USP48: variants seen among roughly 807,000 people sequenced by gnomAD.
USP48 encodes the protein ubiquitin specific peptidase 48, also known as ubiquitin carboxyl-terminal hydrolase 48.
A neutral mutation model predicts 150.7 loss-of-function variants in USP48; 43 were observed. That is an observed-to-expected ratio of 0.29 (90% CI 0.22 to 0.37). The LOEUF (loss-of-function observed/expected upper bound fraction) is 0.37. USP48 is among the 10% of genes least tolerant of loss of function. The pLI is 1.00. For synonymous variants in USP48, 396 were observed against 425.9 expected, an observed-to-expected ratio of 0.93 and a Z score of 0.86; for missense variants, 813 against 1,249.6, an observed-to-expected ratio of 0.65 and a Z score of 5.27.
rs1357099498 is a variant in USP48 at position 21,703,434 on chromosome 1, CA to C, written c.2622+77del. 4 of 1,105,082 alleles carry C rather than the reference CA, an allele frequency of 3.6e-6. No individual in the cohort carries two copies. The African/African-American group carries it at 6.2e-5, about 17-fold the overall frequency. The allele number at this position is 1,105,082 out of a possible 1,614,324, so 68.5% of individuals were successfully genotyped here. A position where few individuals can be genotyped will look rare whatever the true frequency, so the allele number is the denominator to read the frequency against. On this transcript the variant is annotated intron_variant, in intron 21 of 26. Transcript: ENST00000308271. ...AAAAATGCAGTCCTAGGCAGACCCT[CA>C]GTGCAAATACAACAGCAAATCAAGC...
chr1:21,783,129 CCGACCCGCA>C lies in USP48; in HGVS notation c.-181_-173del. 1 of 1,033,300 alleles carries C rather than the reference CCGACCCGCA, an allele frequency of 9.7e-7. No homozygotes were observed. Among genetic ancestry groups the C allele is most frequent in the Non-Finnish European group, 1.3e-6 (1 of 781,406 alleles). The allele number at this position is 1,033,300 out of a possible 1,614,324, so 64.0% of individuals were successfully genotyped here. ...CCACTGCCGCCGCGCCCGCCCGCGCCCGACCCGCACGACCGGCCGCAAAGCGCCGCCGTC... is the reference window on the plus strand; with the variant it reads ...CCACTGCCGCCGCGCCCGCCCGCGCCCGACCGGCCGCAAAGCGCCGCCGTC... On this transcript the variant is annotated 5_prime_UTR_variant, in exon 1 of 27. Transcript: ENST00000308271.
intron 9 of USP48, among the ~76,000 whole-genome samples, chr1:21,731,573 A>G (rs868149328): frequency 9.3e-5 from 14 of 150,432 alleles, no homozygotes; most frequent in South Asian, 2.2e-4. Flanking sequence ...CTAAAATAGC[A>G]TAATTTTTAA....
At chr1:21,731,809 C>A (rs934342979) in intron 9 of USP48, among the ~76,000 whole-genome samples, 1 of 152,002 alleles carries the variant, frequency 6.6e-6, no homozygotes, top group Non-Finnish European at 1.5e-5. Context: ...GCAGAGGTTG[C>A]AGTGAGCCAA....
intron 1 of USP48, among the ~76,000 whole-genome samples, chr1:21,766,170 C>A (rs939627171): frequency 6.6e-5 from 10 of 152,006 alleles, no homozygotes; most frequent in Non-Finnish European, 8.8e-5. Flanking sequence ...GAGTTCAAGA[C>A]CAGCCTGGCC....
chr1:21,757,729 C>A lies in USP48; in HGVS notation c.189G>T (p.Trp63Cys). ...NCLVGIGEHI[W>C]LGEIDENSFH... ...AACTATTTTCATCTATTTCTCCTAA[C>A]CAAATATGCTCACCAATACCAACCA... The change falls in exon 2 of 27, where the codon TGG (tryptophan) becomes TGT (cysteine). Residue 63 changes from tryptophan to cysteine, a missense_variant. Transcript: ENST00000308271. 1 of 1,612,972 alleles carries A rather than the reference C, an allele frequency of 6.2e-7. No homozygotes were observed. The highest frequency in any genetic ancestry group is 8.5e-7 in the Non-Finnish European group (1 of 1,179,580).
intron 1 of USP48, among the ~76,000 whole-genome samples, chr1:21,775,053 T>C (rs900706256): frequency 6.6e-6 from 1 of 151,920 alleles, no homozygotes; most frequent in African/African-American, 2.4e-5. Context: ...TCTACATGCA[T>C]GAATAGAAAC....
intron 6 of USP48, among the ~76,000 whole-genome samples, chr1:21,749,536 T>C (rs1222114538): frequency 6.6e-6 from 1 of 152,148 alleles, no homozygotes; most frequent in Non-Finnish European, 1.5e-5. Flanking sequence ...AAAACCTTAG[T>C]AATCCTTGAC....
At chr1:21,733,332 G>A (rs551993931) in intron 9 of USP48, among the ~76,000 whole-genome samples, 2 of 152,174 alleles carry the variant, frequency 1.3e-5, no homozygotes, top group Non-Finnish European at 2.9e-5. Context: ...CAGGAGAATC[G>A]TTTGAACCTG....
At chr1:21,699,015 A>G (rs983472404) in intron 22 of USP48, among the ~76,000 whole-genome samples, 1 of 152,124 alleles carries the variant, frequency 6.6e-6, no homozygotes, top group Non-Finnish European at 1.5e-5. Context: ...ATCGGGATGG[A>G]TATGTACACC....
intron 22 of USP48, among the ~76,000 whole-genome samples, chr1:21,696,483 T>A (rs1262114412): frequency 6.6e-6 from 1 of 152,076 alleles, no homozygotes; most frequent in Non-Finnish European, 1.5e-5. Context: ...GGAGACAGAG[T>A]AACTGTTCCA....
intron 1 of USP48, among the ~76,000 whole-genome samples, chr1:21,778,037 G>T (rs1338190456): frequency 1.3e-5 from 2 of 151,158 alleles, no homozygotes; most frequent in Non-Finnish European, 2.9e-5. Context: ...CAGCTACTCG[G>T]GAGGCTGAGG....
At chr1:21,691,530 G>A (rs1287575419) in intron 23 of USP48, among the ~76,000 whole-genome samples, 1 of 152,084 alleles carries the variant, frequency 6.6e-6, no homozygotes, top group Admixed American at 6.6e-5. Flanking sequence ...AGCTACTTGG[G>A]AGGCTGAGGG....
chr1:21,688,864 A>C (rs1400742035), intron 24 of USP48, among the ~76,000 whole-genome samples: 1 of 138,340 alleles, frequency 7.2e-6, no homozygotes, highest in African/African-American at 2.7e-5. Flanking sequence ...AAAAAAAAAG[A>C]AGAAGCCCCT....
chr1:21,728,434 CT>C, intron 11 of USP48, 135 bp downstream of exon 11: 1 of 1,465,948 alleles, frequency 6.8e-7, no homozygotes, highest in Non-Finnish European at 9.0e-7. Flanking sequence ...TTACAAAGTA[CT>C]TTTAGAGTGT....
At chr1:21,748,094 T>C (rs1218216625) in intron 7 of USP48, 44 bp downstream of exon 7, 7 of 1,592,856 alleles carry the variant, frequency 4.4e-6, no homozygotes, top group East Asian at 2.3e-5. Flanking sequence ...CTGTACATAG[T>C]AGACCACAAT....
intron 23 of USP48, among the ~76,000 whole-genome samples, chr1:21,694,344 G>A (rs963655198): frequency 6.6e-6 from 1 of 151,890 alleles, no homozygotes; most frequent in Non-Finnish European, 1.5e-5. Flanking sequence ...AGGCTGAGGC[G>A]GGTGGAAAAC....
chr1:21,706,334 A>C, intron 17 of USP48, 133 bp downstream of exon 17: 1 of 1,509,380 alleles, frequency 6.6e-7, no homozygotes, highest in Non-Finnish European at 9.0e-7. Flanking sequence ...AGGCTGGAGT[A>C]AATCCCCTGG....
chr1:21,689,985 T>G lies in USP48; in HGVS notation c.2998A>C (p.Ile1000Leu). The change falls in exon 24 of 27, where the codon ATT becomes CTT. Residue 1000 changes from isoleucine (I) to leucine (L), a missense_variant. Coordinates refer to ENST00000308271, the MANE Select transcript of USP48 (RefSeq NM_032236.8). Reference protein sequence around the residue: ...GTLGVIPESVILLKADEPIAD... With the variant: ...GTLGVIPESVLLLKADEPIAD... ...AGCTGTTTACTTACCTTCAATAAAA[T>G]GACAGATTCAGGAATGACGCCAAGG... 6.2e-7 allele frequency: 1 copy of G among 1,613,908 alleles called. No homozygotes were observed. Among genetic ancestry groups the G allele is most frequent in the African/African-American group, 1.3e-5 (1 of 75,024 alleles).
At chr1:21,756,391 G>A (rs985626809) in intron 3 of USP48, among the ~76,000 whole-genome samples, 155 bp downstream of exon 3, 9 of 146,942 alleles carry the variant, frequency 6.1e-5, no homozygotes, top group African/African-American at 2.3e-4. Context: ...TGAGGCAGGA[G>A]AATCGCTTCA....
Sources: gnomAD v4.1 joint callset for allele counts (sites outside exome capture counted in the v4.1 genomes callset) on GRCh38, gnomAD v4.1.1 for gene constraint, MANE v1.5 for transcripts, NCBI Gene and HGNC (gene_info 2026-07-23, HGNC 2026-07-21) for gene names.